The following KIF6 variants were observed in gnomAD, a reference collection of about 807,000 sequenced individuals.
The protein encoded by KIF6 is kinesin-like protein KIF6.
Under a neutral mutation model 112.7 loss-of-function variants are expected in KIF6, and 106 were observed. That is an observed-to-expected ratio of 0.94 (90% CI 0.80 to 1.11). KIF6 has a LOEUF of 1.11. KIF6 is among the 50% of genes least tolerant of loss of function. The pLI, the probability that KIF6 is intolerant of heterozygous loss-of-function variation, is 0.00. For synonymous variants in KIF6, 339 were observed against 339.9 expected, an observed-to-expected ratio of 1.00 and a Z score of 0.03; for missense variants, 929 against 964.0, an observed-to-expected ratio of 0.96 and a Z score of 0.48.
chr6:39,552,064 C>T (rs948952926), intron 10 of KIF6, among the ~76,000 whole-genome samples: 4 of 152,220 alleles, frequency 2.6e-5, no homozygotes, highest in Non-Finnish European at 5.9e-5. Flanking sequence ...GATCTGCATA[C>T]ACACTAATGT....
chr6:39,487,876 G>T (rs1261125212), intron 13 of KIF6, among the ~76,000 whole-genome samples: 1 of 152,024 alleles, frequency 6.6e-6, no homozygotes, highest in Non-Finnish European at 1.5e-5. Flanking sequence ...TTCATCATGG[G>T]GTTATGAAGC....
At chr6:39,376,079 C>A in intron 16 of KIF6, among the ~76,000 whole-genome samples, 1 of 152,106 alleles carries the variant, frequency 6.6e-6, no homozygotes, top group East Asian at 1.9e-4. Context: ...TGAGGATGGC[C>A]CTATATTCAC....
chr6:39,426,913 A>G (rs1185823667), intron 14 of KIF6, among the ~76,000 whole-genome samples: 2 of 152,124 alleles, frequency 1.3e-5, no homozygotes, highest in South Asian at 2.1e-4. Context: ...CCTACTTGCT[A>G]TGGGGTAGAG....
chr6:39,545,810 C>T, intron 10 of KIF6, 122 bp from the exon 11 acceptor site: 1 of 572,958 alleles, frequency 1.7e-6, no homozygotes, highest in South Asian at 2.5e-5. Flanking sequence ...TACAGAAGTA[C>T]AGATTTGAGT....
intron 3 of KIF6, among the ~76,000 whole-genome samples, chr6:39,641,823 G>T (rs557469272): frequency 6.6e-6 from 1 of 152,174 alleles, no homozygotes; most frequent in Admixed American, 6.6e-5. Context: ...CTTTCTCACT[G>T]CCAGTTGTCC....
chr6:39,387,023 T>C (rs1256206783), intron 15 of KIF6, among the ~76,000 whole-genome samples: 5 of 152,146 alleles, frequency 3.3e-5, no homozygotes, highest in African/African-American at 1.2e-4. Context: ...GACTTTATCA[T>C]TTATGGAGAG....
intron 15 of KIF6, among the ~76,000 whole-genome samples, chr6:39,413,675 G>A (rs563367446): frequency 2.0e-5 from 3 of 152,164 alleles, no homozygotes; most frequent in South Asian, 2.1e-4. Context: ...ACTGGGGAGA[G>A]GCTGTCAGAC....
At chr6:39,455,883 T>C (rs1406090832) in intron 13 of KIF6, among the ~76,000 whole-genome samples, 2 of 120,880 alleles carry the variant, frequency 1.7e-5, no homozygotes, top group African/African-American at 3.1e-5. Flanking sequence ...AAAGACCAAA[T>C]CTACGTCTGA....
chr6:39,524,015 CTT>C lies in KIF6; in HGVS notation c.1645+15986_1645+15987del, dbSNP rs376958568. On this transcript the variant is annotated intron_variant, in intron 13 of 22. Coordinates refer to ENST00000287152, the MANE Select transcript of KIF6 (RefSeq NM_145027.6). The stretch of plus-strand genomic sequence containing the variant: ...TCCCAGTGCTCCTGCAGTAGAATGT[CTT>C]ATGTTCTCCACCTCATTTAGAATAG... Among the ~76,000 whole-genome samples, 11 of 152,142 alleles carry C rather than the reference CTT, an allele frequency of 7.2e-5. No homozygotes were observed. In the South Asian group the frequency reaches 2.3e-3, roughly 32 times the overall value.
At chr6:39,703,662 C>T (rs1789015718) in intron 3 of KIF6, among the ~76,000 whole-genome samples, 1 of 152,176 alleles carries the variant, frequency 6.6e-6, no homozygotes, top group South Asian at 2.1e-4. Context: ...GATAGAAACT[C>T]TGCTAAAAGT....
At position 39,595,661 on chromosome 6, in the gene KIF6, A is replaced by T. The variant is rs1443758294; in HGVS notation, c.846+393T>A. Among the ~76,000 whole-genome samples the T allele has an allele frequency of 3.9e-5, 6 of 152,218 alleles. No individual in the cohort carries two copies. In the East Asian group the frequency reaches 5.8e-4, roughly 15 times the overall value. ...AATTCTGATACATGCTACAATATGGATGAATCTTGAAAACATTATGCTAAG... is the reference window on the plus strand; with the variant it reads ...AATTCTGATACATGCTACAATATGGTTGAATCTTGAAAACATTATGCTAAG... On this transcript the variant is annotated intron_variant, in intron 7 of 22. Transcript: ENST00000287152.
At chr6:39,454,513 T>C in intron 13 of KIF6, among the ~76,000 whole-genome samples, 1 of 133,762 alleles carries the variant, frequency 7.5e-6, no homozygotes, top group Non-Finnish European at 1.6e-5. Context: ...TTAGATATAA[T>C]AGTGATACTG....
At chr6:39,550,739 C>A (rs1561801413) in intron 10 of KIF6, among the ~76,000 whole-genome samples, 1 of 152,104 alleles carries the variant, frequency 6.6e-6, no homozygotes, top group Non-Finnish European at 1.5e-5. Context: ...TTAATTATAC[C>A]AAATACATAT....
Position 39,330,803 on chromosome 6 carries a change from C to T in KIF6, c.*5729G>A, listed in dbSNP as rs1159743071. 3 of 152,262 alleles carry T rather than the reference C, an allele frequency of 2.0e-5. No individual in the cohort carries two copies. Among genetic ancestry groups the T allele is most frequent in the African/African-American group, 7.2e-5 (3 of 41,460 alleles). The allele number at this position is 152,262 out of a possible 1,614,324, so 9.4% of individuals were successfully genotyped here. A position where few individuals can be genotyped will look rare whatever the true frequency, so the allele number is the denominator to read the frequency against. On this transcript the variant is annotated 3_prime_UTR_variant, in exon 23 of 23. Coordinates refer to ENST00000287152, the MANE Select transcript of KIF6 (RefSeq NM_145027.6). ...GGCTACACTCAGAGGCCACTTTTCG[C>T]AAGGTGAGGAGGAGCTTGTATTCAA... is the stretch of plus-strand genomic sequence containing the variant.
intron 13 of KIF6, among the ~76,000 whole-genome samples, chr6:39,500,729 G>A (rs1041679799): frequency 2.0e-5 from 3 of 152,116 alleles, no homozygotes; most frequent in Non-Finnish European, 2.9e-5. Flanking sequence ...ACATGCCATC[G>A]TTGTTATCAT....
At chr6:39,674,506 G>C (rs996775303) in intron 3 of KIF6, among the ~76,000 whole-genome samples, 2 of 152,030 alleles carry the variant, frequency 1.3e-5, no homozygotes, top group Non-Finnish European at 2.9e-5. Context: ...AAGGCCCAGA[G>C]TGCGCACTTA....
In KIF6 at chr6:39,452,208, C is replaced by T. The variant is rs552077740; in HGVS notation, c.1646-21047G>A. Among the ~76,000 whole-genome samples the T allele has an allele frequency of 1.0e-4, 15 of 147,756 alleles. No homozygotes were observed. In the South Asian group the frequency reaches 1.0e-3, roughly 10 times the overall value. On this transcript the variant is annotated intron_variant, in intron 13 of 22. Transcript: ENST00000287152. ...GGGCCCCAATTGCCCTCATCTGTTA[C>T]ATGACAGGAAGAGGAGAAGGAAGGA...
chr6:39,546,333 C>T (rs1269266882), intron 10 of KIF6, among the ~76,000 whole-genome samples: 2 of 152,176 alleles, frequency 1.3e-5, no homozygotes, highest in Non-Finnish European at 2.9e-5. Context: ...AGGCCAGTTT[C>T]TCCCCTGGGC....
intron 5 of KIF6, among the ~76,000 whole-genome samples, chr6:39,631,713 T>TG (rs1784361056): frequency 6.7e-6 from 1 of 148,384 alleles, no homozygotes. Context: ...TAGTTTTTTT[T>TG]TTTGTTTTTT....
Sources: allele counts gnomAD v4.1 joint callset (sites outside exome capture counted in the v4.1 genomes callset), GRCh38; gene constraint gnomAD v4.1.1; transcripts MANE v1.5; gene names NCBI Gene and HGNC (gene_info 2026-07-23, HGNC 2026-07-21).